The following NBPF12 variants were observed in gnomAD, a reference collection of about 807,000 sequenced individuals.
NBPF12 encodes the protein NBPF family member NBPF12.
In NBPF12, 115 loss-of-function variants were observed where a neutral mutation model predicts 146.4. The observed-to-expected ratio is 0.79, with a 90% CI of 0.68 to 0.92. The LOEUF (loss-of-function observed/expected upper bound fraction) is 0.92. NBPF12 is among the 40% of genes least tolerant of loss of function. The probability of loss-of-function intolerance (pLI) is 0.00; values close to 1 mark genes in which losing one functional copy is unlikely to be tolerated. For synonymous variants in NBPF12, 385 were observed against 508.9 expected (o/e 0.76, Z 3.28); for missense variants, 1,205 against 1,326.8 (o/e 0.91, Z 1.43).
intron 6 of NBPF12, 145 bp downstream of exon 9, chr1:146,963,454 T>A (rs1300069419): frequency 1.2e-5 from 19 of 1,563,280 alleles, no homozygotes; most frequent in Non-Finnish European, 1.7e-5. Context: ...ACTTCCTGGG[T>A]AAGAACAGAA....
chr1:146,964,803 A>G (rs1353266516), intron 7 of NBPF12, 90 bp from the exon 11 acceptor site: 2 of 1,594,356 alleles, frequency 1.3e-6, no homozygotes, highest in African/African-American at 2.7e-5. Context: ...CACTCTCTTA[A>G]TGCCGCCTGT....
upstream of NBPF12, among the ~76,000 whole-genome samples, chr1:146,945,734 A>G (rs1655024604): frequency 6.6e-6 from 1 of 152,060 alleles, no homozygotes; most frequent in African/African-American, 2.4e-5. Context: ...AATTTCCCCT[A>G]TTAGTATATT....
chr1:146,967,502 AAAAT>A (rs1262823113), intron 9 of NBPF12, among the ~76,000 whole-genome samples: 1 of 149,802 alleles, frequency 6.7e-6, no homozygotes, highest in African/African-American at 2.5e-5. Flanking sequence ...CTGTTAAAAA[AAAAT>A]AATAATGATA....
intron 2 of NBPF12, among the ~76,000 whole-genome samples, chr1:146,954,389 C>A (rs1208333439): frequency 4.3e-3 from 102 of 23,962 alleles, no homozygotes; most frequent in South Asian, 6.5e-3. Context: ...GACTCTGTCT[C>A]AAAAAAAAAA....
At chr1:146,981,297 AT>A (rs1657370198) in intron 19 of NBPF12, among the ~76,000 whole-genome samples, 13 of 112,796 alleles carry the variant, frequency 1.2e-4, no homozygotes, top group African/African-American at 4.2e-4. Context: ...AAAAAAAAAT[AT>A]ATATATATAT....
In NBPF12 at chr1:146,982,516, G is replaced by T. The variant is rs1657458729; in HGVS notation, c.2451-412G>T. On this transcript the variant is annotated intron_variant, in intron 19 of 33. Transcript: ENST00000617844. Reference sequence around the variant, plus strand: ...AGTAAATATATTATATCAAAATATTGGGAAAATGGGGCCCTTAATACACAA... The same window carrying T: ...AGTAAATATATTATATCAAAATATTTGGAAAATGGGGCCCTTAATACACAA... Among the ~76,000 whole-genome samples, 15 of 151,870 alleles carry T rather than the reference G, an allele frequency of 9.9e-5. No homozygotes were observed. In the South Asian group the frequency reaches 2.9e-3, roughly 30 times the overall value.
intron 18 of NBPF12, among the ~76,000 whole-genome samples, chr1:146,978,694 G>C (rs1488223241): frequency 6.8e-6 from 1 of 146,614 alleles, no homozygotes; most frequent in Non-Finnish European, 1.5e-5. Context: ...TTTTTTTGGG[G>C]AAAAAATTTT....
intron 2 of NBPF12, among the ~76,000 whole-genome samples, chr1:146,956,155 A>G (rs1365623971): frequency 6.6e-6 from 1 of 151,868 alleles, no homozygotes; most frequent in African/African-American, 2.4e-5. Flanking sequence ...AAGTGAAAGT[A>G]CAAACATACA....
intron 13 of NBPF12, among the ~76,000 whole-genome samples, chr1:146,971,952 G>C (rs1378767109): frequency 1.3e-5 from 2 of 149,548 alleles, no homozygotes; most frequent in Admixed American, 6.6e-5. Flanking sequence ...GCTGGGCGCG[G>C]TGTTGGGTGC....
rs1655885904 is a variant in NBPF12, at chr1:146,962,084, G to A, written c.176-77G>A. On this transcript the variant is annotated intron_variant, in intron 4 of 33. Coordinates refer to ENST00000617844, the Ensembl canonical transcript of NBPF12. ...GAGTTTTGTCCTTGGGATGGACCTG[G>A]CTCCTGCCCTGTAGGCAGTGACCAC... is the stretch of plus-strand genomic sequence containing the variant. 5 of 1,334,128 alleles carry A rather than the reference G, an allele frequency of 3.7e-6. No homozygotes were observed. The African/African-American group carries it at 7.2e-5, about 19-fold the overall frequency. The allele number at this position is 1,334,128 out of a possible 1,614,324, so 82.6% of individuals were successfully genotyped here.
intron 4 of NBPF12, among the ~76,000 whole-genome samples, chr1:146,961,381 GT>G (rs1655840122): frequency 6.6e-6 from 1 of 151,560 alleles, no homozygotes; most frequent in African/African-American, 2.4e-5. Context: ...TTCCTCATCT[GT>G]TCAGAGGGTA....
chr1:146,992,462 C>CTCTG (rs1450490306), intron 31 of NBPF12, among the ~76,000 whole-genome samples: 62 of 66,268 alleles, frequency 9.4e-4, no homozygotes, highest in Middle Eastern at 6.8e-3. Context: ...CTCTCTCTCT[C>CTCTG]TGTGTGTGTG....
At chr1:146,993,600 A>T in exon 33 of NBPF12, 2 of 41,200 alleles carry the variant, frequency 4.9e-5, no homozygotes. Flanking sequence ...TTATTGCAGA[A>T]ATTGAAAAGA....
chr1:146,970,900 G>A (rs1354822041), intron 12 of NBPF12, among the ~76,000 whole-genome samples, 181 bp downstream of exon 15: 2 of 151,454 alleles, frequency 1.3e-5, no homozygotes, highest in Non-Finnish European at 2.9e-5. Context: ...TGTGTGCCAA[G>A]TGTCATGTCT....
chr1:146,994,538 A>C lies in NBPF12; in HGVS notation c.4337A>C (p.His1446Pro), dbSNP rs112657616. 36 of 1,609,470 alleles carry C rather than the reference A, an allele frequency of 2.2e-5. No individual in the cohort carries two copies. In the African/African-American group the frequency reaches 3.3e-4, roughly 15 times the overall value. ...TTTACTTTGACGGTGACAAGTCTCC[A>C]CCTGGTCTTCCAGATGGGAGTCATA... Residue 1446 changes from histidine (H) to proline (P), a missense_variant, in exon 34 of 34, where the codon CAC becomes CCC. Physicochemically the swap from His to Pro is moderately conservative, Grantham distance 77 (BLOSUM62 -2). Around this residue, in one of 16 missense-constraint regions of NBPF12, gnomAD observed 210 missense variants for 94.4 expected, o/e 2.22. Coordinates refer to ENST00000617844, the Ensembl canonical transcript of NBPF12.
chr1:146,995,053 T>G (rs1658460244), exon 34 of NBPF12: 1 of 171,794 alleles, frequency 5.8e-6, no homozygotes, highest in Admixed American at 5.7e-5. Context: ...GGCTGAGGAT[T>G]GTATTTCAGA....
chr1:146,981,565 G>C (rs1343920761), intron 19 of NBPF12, among the ~76,000 whole-genome samples: 107 of 151,562 alleles, frequency 7.1e-4, no homozygotes, highest in African/African-American at 2.6e-3. Flanking sequence ...TATCTTTATG[G>C]TGTTCTCTGT....
chr1:146,967,738 C>G (rs1354680426), intron 9 of NBPF12, among the ~76,000 whole-genome samples: 1 of 150,358 alleles, frequency 6.7e-6, no homozygotes, highest in Non-Finnish European at 1.5e-5. Flanking sequence ...TCAGAGGGTA[C>G]TACAATAATA....
chr1:146,992,433 G>A (rs1278319545), intron 31 of NBPF12, among the ~76,000 whole-genome samples: 75 of 93,990 alleles, frequency 8.0e-4, no homozygotes, highest in South Asian at 7.7e-3. Flanking sequence ...CACTGAGCTC[G>A]TTCTCTCTCT....
Sources: gnomAD v4.1 joint callset for allele counts (sites outside exome capture counted in the v4.1 genomes callset) on GRCh38, gnomAD v4.1.1 for gene constraint, gnomAD v4.1.1 regional missense constraint, MANE v1.5 for transcripts, NCBI Gene and HGNC (gene_info 2026-07-23, HGNC 2026-07-21) for gene names.